The following PLCB1 variants were observed in gnomAD, a reference collection of about 807,000 sequenced individuals.
The protein encoded by PLCB1 is 1-phosphatidylinositol 4,5-bisphosphate phosphodiesterase beta-1.
In PLCB1, 46 loss-of-function variants were observed where a neutral mutation model predicts 161.8. The ratio of observed to expected loss-of-function variants is 0.28; its 90% CI spans 0.22 to 0.36. The LOEUF (loss-of-function observed/expected upper bound fraction) is 0.36, where lower values mean the gene tolerates loss of function less well. PLCB1 is among the 10% of genes least tolerant of loss of function. The probability of loss-of-function intolerance (pLI) is 1.00; values close to 1 mark genes in which losing one functional copy is unlikely to be tolerated. For synonymous variants in PLCB1, 517 were observed against 503.7 expected (o/e 1.03, Z -0.35); for missense variants, 1,016 against 1,472.5 (o/e 0.69, Z 5.07).
In PLCB1 at chr20:8,835,872, C is replaced by T. The variant is rs370112220; in HGVS notation, c.3423+45611C>T. ...AACTTAGTGACTTGAAAACAAATCACTGTTGAGACAATAACCATGTTACTG... is the reference window on the plus strand; with the variant it reads ...AACTTAGTGACTTGAAAACAAATCATTGTTGAGACAATAACCATGTTACTG... On this transcript the variant is annotated intron_variant, in intron 31 of 31. Transcript: ENST00000338037. Among the ~76,000 whole-genome samples the T allele has an allele frequency of 2.1e-3, 210 of 100,526 alleles. 10 individuals carry two copies. In the South Asian group the frequency reaches 0.057, roughly 27 times the overall value. The allele number at this position is 100,526 out of a possible 152,430, so 65.9% of individuals were successfully genotyped here.
intron 9 of PLCB1, among the ~76,000 whole-genome samples, chr20:8,673,767 A>C (rs1399028054): frequency 6.6e-6 from 1 of 152,234 alleles, no homozygotes; most frequent in Non-Finnish European, 1.5e-5. Context: ...CATAAATGTT[A>C]ATATTTGGGG....
In PLCB1 at chr20:8,170,065, G is replaced by C. The variant is rs7264745; in HGVS notation, c.177+19694G>C. Among the ~76,000 whole-genome samples the C allele has an allele frequency of 1.3e-3, 196 of 152,216 alleles. 1 individual carries two copies. Among genetic ancestry groups the C allele is most frequent in the African/African-American group, 4.5e-3 (188 of 41,546 alleles). ...GTACACTGATATATTCCTCCTGCTG[G>C]TCAGTGTCAAGATTCTGCTCCTGTT... On this transcript the variant is annotated intron_variant, in intron 2 of 31. Transcript: ENST00000338037.
chr20:8,720,838 CCT>C, intron 14 of PLCB1, among the ~76,000 whole-genome samples: 1 of 131,788 alleles, frequency 7.6e-6, no homozygotes, highest in Non-Finnish European at 1.6e-5. Context: ...AAAAGAATCC[CCT>C]CTCTGATTTT....
chr20:8,286,304 A>G (rs1983121791), intron 2 of PLCB1, among the ~76,000 whole-genome samples: 1 of 152,234 alleles, frequency 6.6e-6, no homozygotes. Flanking sequence ...AGTCTGGGTG[A>G]CAGAGTGTAA....
chr20:8,846,618 C>G (rs919380170), intron 31 of PLCB1, among the ~76,000 whole-genome samples: 6 of 152,144 alleles, frequency 3.9e-5, no homozygotes, highest in African/African-American at 7.2e-5. Context: ...AAGATTCTAA[C>G]TCAAAAGCCC....
intron 3 of PLCB1, among the ~76,000 whole-genome samples, chr20:8,461,364 T>G (rs1981569467): frequency 6.6e-6 from 1 of 152,186 alleles, no homozygotes; most frequent in African/African-American, 2.4e-5. Flanking sequence ...GGTAGGTGGC[T>G]CAGCCTCTAC....
At chr20:8,523,486 C>G (rs1215789912) in intron 3 of PLCB1, among the ~76,000 whole-genome samples, 3 of 61,172 alleles carry the variant, frequency 4.9e-5, no homozygotes, top group African/African-American at 2.7e-4. Flanking sequence ...CTCTCTCTCT[C>G]TCTCTCTCTC....
chr20:8,479,582 TA>T (rs1180394863), intron 3 of PLCB1, among the ~76,000 whole-genome samples: 1 of 152,224 alleles, frequency 6.6e-6, no homozygotes, highest in East Asian at 1.9e-4. Flanking sequence ...CCATCTATAT[TA>T]CTCACTTTTA....
intron 2 of PLCB1, among the ~76,000 whole-genome samples, chr20:8,181,036 A>C (rs943695479): frequency 1.3e-5 from 2 of 151,932 alleles, no homozygotes; most frequent in Admixed American, 1.3e-4. Flanking sequence ...GGATTACCTG[A>C]GGTCAGGAGT....
chr20:8,235,985 A>G (rs1980298345), intron 2 of PLCB1, among the ~76,000 whole-genome samples: 1 of 152,184 alleles, frequency 6.6e-6, no homozygotes, highest in Non-Finnish European at 1.5e-5. Context: ...GGAAGGAATA[A>G]TATTTTAAAG....
At chr20:8,725,496 A>G (rs1213422120) in intron 16 of PLCB1, among the ~76,000 whole-genome samples, 1 of 152,142 alleles carries the variant, frequency 6.6e-6, no homozygotes, top group Non-Finnish European at 1.5e-5. Flanking sequence ...CTTTGCAGCT[A>G]TATCAAAATC....
chr20:8,836,933 G>A (rs937409266), intron 31 of PLCB1, among the ~76,000 whole-genome samples: 8 of 152,158 alleles, frequency 5.3e-5, no homozygotes, highest in South Asian at 2.1e-4. Context: ...ATCTCATCCT[G>A]TGACTGGCTG....
intron 2 of PLCB1, among the ~76,000 whole-genome samples, chr20:8,324,331 C>T (rs149366653): frequency 1.3e-5 from 2 of 151,324 alleles, no homozygotes; most frequent in African/African-American, 4.9e-5. Context: ...TGATATTTTC[C>T]GTAAGAGTCA....
Position 8,727,348 on chromosome 20 carries a change from C to A in PLCB1, c.1718C>A (p.Thr573Asn). The change falls in exon 17 of 32, where the codon ACC becomes AAC. Residue 573 changes from threonine (T) to asparagine (N), a missense_variant. Coordinates refer to ENST00000338037, the MANE Select transcript of PLCB1 (RefSeq NM_015192.4). ...TTTGAAATGTCTTCCTTCGTGGAAA[C>A]CAAAGGACTTGAACAACTCACCAAG... Reference protein sequence around the residue: ...KSFEMSSFVETKGLEQLTKSP... With the variant: ...KSFEMSSFVENKGLEQLTKSP... The A allele has an allele frequency of 6.2e-7, 1 of 1,606,590 alleles. No individual in the cohort carries two copies. The highest frequency in any genetic ancestry group is 8.5e-7 in the Non-Finnish European group (1 of 1,174,410).
intron 31 of PLCB1, among the ~76,000 whole-genome samples, chr20:8,854,258 C>T (rs1986988764): frequency 6.6e-6 from 1 of 152,050 alleles, no homozygotes; most frequent in South Asian, 2.1e-4. Context: ...AGACAGATCT[C>T]AGAGGGCATT....
intron 3 of PLCB1, among the ~76,000 whole-genome samples, chr20:8,605,866 A>C (rs1449544349): frequency 7.4e-6 from 1 of 135,058 alleles, no homozygotes; most frequent in Non-Finnish European, 1.7e-5. Flanking sequence ...CCCATGGTTT[A>C]GCTCTCGCTT....
At chr20:8,371,214 T>G in intron 2 of PLCB1, 168 bp from the exon 3 acceptor site, 1 of 544,230 alleles carries the variant, frequency 1.8e-6, no homozygotes, top group Non-Finnish European at 3.2e-6. Flanking sequence ...TGTCTTTTGT[T>G]TCCAACCTAA....
intron 3 of PLCB1, among the ~76,000 whole-genome samples, chr20:8,611,683 A>G (rs1335129558): frequency 6.6e-6 from 1 of 152,204 alleles, no homozygotes; most frequent in Non-Finnish European, 1.5e-5. Context: ...AGTTTTATTG[A>G]CCGTGCAGGA....
At chr20:8,357,382 A>C (rs927855008) in intron 2 of PLCB1, among the ~76,000 whole-genome samples, 7 of 152,210 alleles carry the variant, frequency 4.6e-5, no homozygotes, top group African/African-American at 1.7e-4. Flanking sequence ...CTGAAGCAAA[A>C]AGATACCTCA....
Sources: allele counts gnomAD v4.1 joint callset (sites outside exome capture counted in the v4.1 genomes callset), GRCh38; gene constraint gnomAD v4.1.1; transcripts MANE v1.5; gene names NCBI Gene and HGNC (gene_info 2026-07-23, HGNC 2026-07-21).